TMCO1: variants seen among roughly 807,000 people sequenced by gnomAD.
The protein encoded by TMCO1 is calcium load-activated calcium channel.
In TMCO1, 29 loss-of-function variants were observed where a neutral mutation model predicts 29.3. The observed-to-expected ratio is 0.99, with a 90% CI of 0.74 to 1.35. The LOEUF (loss-of-function observed/expected upper bound fraction) is 1.35. Among genes scored for constraint, TMCO1 ranks in the 40% most tolerant of loss-of-function variants. The pLI is 0.00. For synonymous variants in TMCO1, 80 were observed against 77.1 expected (o/e 1.04, Z -0.20); for missense variants, 173 against 225.5 (o/e 0.77, Z 1.49).
rs182735245 is a variant in TMCO1, at chr1:165,753,930, G to A, written c.255+298C>T. ...ACCAAAGATTCAGCATTAACGTAAA[G>A]AAGAAAAAGAAAATAAACTACTTCA... On this transcript the variant is annotated intron_variant, in intron 4 of 6. Transcript: ENST00000367881. Among the ~76,000 whole-genome samples, 672 of 152,180 alleles carry A rather than the reference G, an allele frequency of 4.4e-3. 3 individuals are homozygous for A. Among genetic ancestry groups the A allele is most frequent in the Middle Eastern group, 0.027 (8 of 294 alleles).
intron 2 of TMCO1, 138 bp downstream of exon 2, chr1:165,768,054 T>C: frequency 1.3e-6 from 1 of 771,980 alleles, no homozygotes; most frequent in Admixed American, 2.0e-5. Context: ...ACATTTTGCA[T>C]AAAAGTCTTC....
chr1:165,760,525 C>T (rs984274168), intron 2 of TMCO1, among the ~76,000 whole-genome samples: 5 of 151,882 alleles, frequency 3.3e-5, no homozygotes, highest in Non-Finnish European at 5.9e-5. Flanking sequence ...AATAGTGGGC[C>T]GGGTGCAGCG....
rs564000646 is a variant in TMCO1 at position 165,766,226 on chromosome 1, T to C, written c.148+1966A>G. ...AAAGAAGGCTACAAATGACACAGGC[T>C]TAGACATGAGGAACAAGTATTCAAT... is the stretch of plus-strand genomic sequence containing the variant. On this transcript the variant is annotated intron_variant, in intron 2 of 6. Coordinates refer to ENST00000367881, the MANE Select transcript of TMCO1 (RefSeq NM_019026.6). Among the ~76,000 whole-genome samples the C allele has an allele frequency of 3.9e-5, 6 of 152,258 alleles. No homozygotes were observed. In the South Asian group the frequency reaches 8.3e-4, roughly 21 times the overall value.
intron 6 of TMCO1, among the ~76,000 whole-genome samples, chr1:165,730,567 T>C (rs1489411361): frequency 2.0e-5 from 3 of 152,188 alleles, no homozygotes; most frequent in Admixed American, 1.3e-4. Context: ...AGGATACCTC[T>C]CCTTAGTAAA....
At chr1:165,755,417 A>G (rs59899648) in intron 3 of TMCO1, among the ~76,000 whole-genome samples, 1 of 152,258 alleles carries the variant, frequency 6.6e-6, no homozygotes, top group African/African-American at 2.4e-5. Context: ...GTGGTAGCCC[A>G]CACCTGTAAT....
intron 5 of TMCO1, among the ~76,000 whole-genome samples, chr1:165,748,905 T>C (rs1042525309): frequency 1.3e-5 from 2 of 152,210 alleles, no homozygotes; most frequent in African/African-American, 4.8e-5. Context: ...CTCCATAGTT[T>C]TGCCTTTTTC....
intron 3 of TMCO1, among the ~76,000 whole-genome samples, chr1:165,755,996 G>T (rs1652178049): frequency 6.6e-6 from 1 of 151,350 alleles, no homozygotes; most frequent in African/African-American, 2.4e-5. Flanking sequence ...TTATAATATG[G>T]TACTGGCTCT....
chr1:165,739,580 G>A (rs1189068613), intron 6 of TMCO1, among the ~76,000 whole-genome samples: 1 of 151,872 alleles, frequency 6.6e-6, no homozygotes, highest in Admixed American at 6.6e-5. Flanking sequence ...GTAGAGATGG[G>A]GTCTCACCAT....
intron 2 of TMCO1, among the ~76,000 whole-genome samples, chr1:165,763,028 T>C (rs932967382): frequency 6.6e-6 from 1 of 152,202 alleles, no homozygotes; most frequent in South Asian, 2.1e-4. Flanking sequence ...AGCATTTCCT[T>C]TTGTTAAAAG....
intron 6 of TMCO1, among the ~76,000 whole-genome samples, chr1:165,737,607 G>A (rs1223423219): frequency 6.6e-6 from 1 of 152,130 alleles, no homozygotes; most frequent in East Asian, 1.9e-4. Flanking sequence ...AGTAGCTAGA[G>A]AAAAGTGACA....
chr1:165,768,071 T>G, intron 2 of TMCO1, 121 bp downstream of exon 2: 1 of 867,058 alleles, frequency 1.2e-6, no homozygotes, highest in South Asian at 1.4e-5. Context: ...CTTCTATTTC[T>G]AAATAGGCTT....
At chr1:165,725,138 CTT>C (rs748093768), downstream of TMCO1, 16 of 427,084 alleles carry the variant, frequency 3.7e-5, no homozygotes, top group South Asian at 2.1e-4. Flanking sequence ...AAAAGACTGA[CTT>C]AAGCAGAATT....
chr1:165,754,148 G>T, intron 4 of TMCO1, 80 bp downstream of exon 4: 2 of 1,196,240 alleles, frequency 1.7e-6, no homozygotes, highest in Non-Finnish European at 2.5e-6. Context: ...GAAAAGGTGA[G>T]TGCAATGCAC....
chr1:165,734,064 T>A (rs1179478467), intron 6 of TMCO1, among the ~76,000 whole-genome samples: 2 of 152,254 alleles, frequency 1.3e-5, no homozygotes, highest in Non-Finnish European at 2.9e-5. Flanking sequence ...TGTTAGTTTC[T>A]CTGACATCTG....
downstream of TMCO1, chr1:165,726,541 G>C: frequency 2.1e-6 from 1 of 478,374 alleles, no homozygotes; most frequent in Non-Finnish European, 4.1e-6. Flanking sequence ...CTGTGATGCA[G>C]AGCAAGTTAC....
At chr1:165,725,167 A>G, downstream of TMCO1, 2 of 440,484 alleles carry the variant, frequency 4.5e-6, no homozygotes, top group Non-Finnish European at 8.9e-6. Flanking sequence ...AAAAAAGAGA[A>G]AGTATATAGT....
At chr1:165,759,468 A>G in intron 3 of TMCO1, 57 bp downstream of exon 3, 1 of 1,215,018 alleles carries the variant, frequency 8.2e-7, no homozygotes, top group South Asian at 1.3e-5. Flanking sequence ...TTCATTATCT[A>G]AGAATTAATT....
intron 6 of TMCO1, among the ~76,000 whole-genome samples, chr1:165,733,640 A>T (rs1321389002): frequency 1.1e-5 from 1 of 88,316 alleles, no homozygotes; most frequent in Non-Finnish European, 2.8e-5. Context: ...TAGCTAAAAG[A>T]TAGGAGTTTT....
chr1:165,726,752 T>C (rs1650908541), downstream of TMCO1: 1 of 453,974 alleles, frequency 2.2e-6, no homozygotes, highest in African/African-American at 2.0e-5. Flanking sequence ...AGATCCTCTT[T>C]TTTGTCCTTG....
Sources: gnomAD v4.1 joint callset for allele counts (sites outside exome capture counted in the v4.1 genomes callset) on GRCh38, gnomAD v4.1.1 for gene constraint, MANE v1.5 for transcripts, NCBI Gene and HGNC (gene_info 2026-07-23, HGNC 2026-07-21) for gene names.